Variants in PPM1D observed in about 807,000 individuals in gnomAD.
PPM1D encodes the protein protein phosphatase, Mg2+/Mn2+ dependent 1D.
PPM1D carries 52 observed loss-of-function variants against 58.3 expected under a neutral mutation model. The ratio of observed to expected loss-of-function variants is 0.89; its 90% CI spans 0.71 to 1.12. PPM1D has a LOEUF of 1.12. Among genes scored for constraint, PPM1D ranks in the 50% most tolerant of loss-of-function variants. PPM1D has a pLI of 0.00. For synonymous variants in PPM1D, 278 were observed against 285.1 expected, an observed-to-expected ratio of 0.98 and a Z score of 0.25; for missense variants, 564 against 777.2, an observed-to-expected ratio of 0.73 and a Z score of 3.26.
intron 1 of PPM1D, among the ~76,000 whole-genome samples, chr17:60,606,320 C>A (rs2030329137): frequency 6.6e-6 from 1 of 152,176 alleles, no homozygotes; most frequent in Admixed American, 6.5e-5. Flanking sequence ...GTTGTTTCCA[C>A]TTTTTGGCTA....
At chr17:60,613,367 G>T (rs1413639875) in intron 1 of PPM1D, among the ~76,000 whole-genome samples, 1 of 152,236 alleles carries the variant, frequency 6.6e-6, no homozygotes, top group Non-Finnish European at 1.5e-5. Flanking sequence ...AATTCTGTAA[G>T]AACTCTTAAG....
In PPM1D at chr17:60,626,131, G is replaced by T. The variant is rs562943408; in HGVS notation, c.701+2382G>T. On this transcript the variant is annotated intron_variant, in intron 2 of 5. Coordinates refer to ENST00000305921, the MANE Select transcript of PPM1D (RefSeq NM_003620.4). ...TAATTTTTTTTTGTTATTGCAAACTGCTGTGAAATGAAAAATCTGCACATA... is the reference window on the plus strand; with the variant it reads ...TAATTTTTTTTTGTTATTGCAAACTTCTGTGAAATGAAAAATCTGCACATA... 3.3e-5 allele frequency among the ~76,000 whole-genome samples: 5 copies of T among 152,140 alleles called. No homozygotes were observed. The East Asian group carries it at 7.7e-4, about 24-fold the overall frequency.
chr17:60,622,292 A>G (rs1040138882), intron 1 of PPM1D, among the ~76,000 whole-genome samples: 1 of 151,498 alleles, frequency 6.6e-6, no homozygotes, highest in Non-Finnish European at 1.5e-5. Context: ...TTCTTAACAT[A>G]ATTCTATTCC....
At chr17:60,633,213 AG>A (rs751113072) in intron 2 of PPM1D, among the ~76,000 whole-genome samples, 1 of 152,078 alleles carries the variant, frequency 6.6e-6, no homozygotes, top group Non-Finnish European at 1.5e-5. Flanking sequence ...TGAACCCAGG[AG>A]GTGGAGGTTG....
rs1356912444 is a variant in PPM1D at position 60,619,981 on chromosome 17, T to C, written c.473-3540T>C. Among the ~76,000 whole-genome samples, 8 of 147,556 alleles carry C rather than the reference T, an allele frequency of 5.4e-5. No individual in the cohort carries two copies. The East Asian group carries it at 1.6e-3, about 29-fold the overall frequency. ...TCATTTGCCCAGTTTTTTTTTGTTT[T>C]TGTTTGTTTTGTTTTGTTTTGTTTT... On this transcript the variant is annotated intron_variant, in intron 1 of 5. Transcript: ENST00000305921.
At position 60,663,463 on chromosome 17, in the gene PPM1D, A is replaced by G. The variant is rs767144872; in HGVS notation, c.1729A>G (p.Lys577Glu). Residue 577 changes from lysine (K) to glutamate (E), a missense_variant, in exon 6 of 6, where the codon AAA becomes GAA. This residue lies in a region of PPM1D where 261 missense variants were observed against 270.1 expected (regional missense o/e 0.97). Transcript: ENST00000305921. Reference protein sequence around the residue: ...PTTSQRKNSVKLTMRRRLRGQ... With the variant: ...PTTSQRKNSVELTMRRRLRGQ... ...AACCTCACAGCGAAAGAACTCTGTTAAACTCACCATGCGACGCAGACTTAG... is the reference window on the plus strand; with the variant it reads ...AACCTCACAGCGAAAGAACTCTGTTGAACTCACCATGCGACGCAGACTTAG... 6.2e-7 allele frequency: 1 copy of G among 1,614,176 alleles called. No homozygotes were observed. The highest frequency in any genetic ancestry group is 8.5e-7 in the Non-Finnish European group (1 of 1,180,044).
intron 1 of PPM1D, among the ~76,000 whole-genome samples, chr17:60,619,519 C>T (rs560535179): frequency 2.6e-5 from 4 of 152,290 alleles, no homozygotes; most frequent in Admixed American, 2.6e-4. Flanking sequence ...CAAATGTTCT[C>T]CCTTCTTCAC....
chr17:60,626,713 A>AG (rs888002434), intron 2 of PPM1D, among the ~76,000 whole-genome samples: 4 of 151,840 alleles, frequency 2.6e-5, no homozygotes, highest in Admixed American at 6.6e-5. Context: ...TTTTAAAAAA[A>AG]AATTTTAAGA....
At chr17:60,656,069 T>C (rs569476158) in intron 4 of PPM1D, among the ~76,000 whole-genome samples, 3 of 152,280 alleles carry the variant, frequency 2.0e-5, no homozygotes, top group Non-Finnish European at 2.9e-5. Flanking sequence ...TGAAATTTAA[T>C]GACAGGATAA....
intron 1 of PPM1D, among the ~76,000 whole-genome samples, chr17:60,619,153 G>T (rs2030646414): frequency 6.6e-6 from 1 of 150,428 alleles, no homozygotes; most frequent in Non-Finnish European, 1.5e-5. Flanking sequence ...TTCTGTGTTT[G>T]GCATATTTCA....
intron 4 of PPM1D, among the ~76,000 whole-genome samples, chr17:60,655,708 CT>C (rs112651974): frequency 0.14 from 19,381 of 141,848 alleles, 3,748 homozygotes; most frequent in African/African-American, 0.44. Context: ...TTCTTTCTTT[CT>C]TTTTTTTTTT....
chr17:60,636,910 G>A (rs992126919), intron 3 of PPM1D, among the ~76,000 whole-genome samples: 3 of 151,210 alleles, frequency 2.0e-5, no homozygotes, highest in East Asian at 1.9e-4. Flanking sequence ...GGCTTCAAGC[G>A]ATCTGCCCAC....
chr17:60,652,213 T>C (rs977344583), intron 4 of PPM1D, among the ~76,000 whole-genome samples: 2 of 152,178 alleles, frequency 1.3e-5, no homozygotes, highest in Non-Finnish European at 2.9e-5. Context: ...ATCTACTCTT[T>C]TAGCTGCCAC....
chr17:60,600,308 C>T lies in PPM1D; in HGVS notation c.-107C>T, dbSNP rs2030173933. On this transcript the variant is annotated 5_prime_UTR_variant, in exon 1 of 6. Coordinates refer to ENST00000305921, the MANE Select transcript of PPM1D (RefSeq NM_003620.4). ...TCCGGGTCCGCCCCCTCCCCCTTCT[C>T]GGCGTCGTCGAAGATAAACAATAGT... 5 of 1,461,288 alleles carry T rather than the reference C, an allele frequency of 3.4e-6. No individual in the cohort carries two copies. Among genetic ancestry groups the T allele is most frequent in the South Asian group, 1.3e-5 (1 of 74,540 alleles). The allele number at this position is 1,461,288 out of a possible 1,614,324, so 90.5% of individuals were successfully genotyped here.
At chr17:60,626,479 C>G (rs1244752279) in intron 2 of PPM1D, among the ~76,000 whole-genome samples, 1 of 151,294 alleles carries the variant, frequency 6.6e-6, no homozygotes, top group Non-Finnish European at 1.5e-5. Flanking sequence ...ACTGCAAGCT[C>G]GGCCTCCTGG....
At chr17:60,613,532 G>GC (rs2143635282) in intron 1 of PPM1D, among the ~76,000 whole-genome samples, 1 of 152,366 alleles carries the variant, frequency 6.6e-6, no homozygotes, top group African/African-American at 2.4e-5. Flanking sequence ...GAGCCCTTCA[G>GC]CCCGCCACTG....
intron 1 of PPM1D, among the ~76,000 whole-genome samples, chr17:60,609,429 A>G (rs541834222): frequency 3.3e-5 from 5 of 152,294 alleles, no homozygotes; most frequent in African/African-American, 7.2e-5. Context: ...ACATCTTACT[A>G]TATGTATGCT....
chr17:60,603,661 G>T (rs1247908489), intron 1 of PPM1D, among the ~76,000 whole-genome samples: 1 of 152,160 alleles, frequency 6.6e-6, no homozygotes, highest in Non-Finnish European at 1.5e-5. Context: ...TACTCAGAAG[G>T]CTTAGGCAGA....
At chr17:60,635,500 C>A (rs2031006584) in intron 3 of PPM1D, among the ~76,000 whole-genome samples, 2 of 152,176 alleles carry the variant, frequency 1.3e-5, no homozygotes, top group Non-Finnish European at 1.5e-5. Context: ...CAGGCGTGAG[C>A]CACTGTGCCT....
Sources: gnomAD v4.1 joint callset for allele counts (sites outside exome capture counted in the v4.1 genomes callset) on GRCh38, gnomAD v4.1.1 for gene constraint, gnomAD v4.1.1 regional missense constraint, MANE v1.5 for transcripts, NCBI Gene and HGNC (gene_info 2026-07-23, HGNC 2026-07-21) for gene names.